The following AGAP1 variants were observed in gnomAD, a reference collection of about 807,000 sequenced individuals.
The protein encoded by AGAP1 is arf-GAP with GTPase, ANK repeat and PH domain-containing protein 1.
In AGAP1, 29 loss-of-function variants were observed where a neutral mutation model predicts 105.3. The observed-to-expected ratio is 0.28, with a 90% CI of 0.21 to 0.38. AGAP1 has a LOEUF of 0.38. Ranked by LOEUF, AGAP1 falls within the 10% of genes least tolerant of loss-of-function variation. AGAP1 has a pLI of 1.00. For missense variants in AGAP1, 998 were observed against 1,165.1 expected, an observed-to-expected ratio of 0.86 and a Z score of 2.09; for synonymous variants, 509 against 485.9, an observed-to-expected ratio of 1.05 and a Z score of -0.63.
intron 16 of AGAP1, among the ~76,000 whole-genome samples, chr2:236,070,657 C>T (rs981797294): frequency 5.9e-5 from 9 of 152,190 alleles, no homozygotes; most frequent in Admixed American, 5.2e-4. Flanking sequence ...CGTAAATGCA[C>T]CTTCAACATT....
rs1269820350 is a variant in AGAP1, at chr2:235,631,542, A to T, written c.164-77637A>T. Reference sequence around the variant, plus strand: ...TCTGCCAAGGCCCCTCCTTGTGAAGATGGACACTGAGGGCACCCTTCCTAG... The same window carrying T: ...TCTGCCAAGGCCCCTCCTTGTGAAGTTGGACACTGAGGGCACCCTTCCTAG... On this transcript the variant is annotated intron_variant, in intron 1 of 17. Transcript: ENST00000304032. This position sits in a 1 kb window ranked among gnomAD's most constrained non-coding sequence, Gnocchi z 5.4. Among the ~76,000 whole-genome samples, 2 of 152,148 alleles carry T rather than the reference A, an allele frequency of 1.3e-5. No individual in the cohort carries two copies. The highest frequency in any genetic ancestry group is 3.9e-4 in the East Asian group (2 of 5,180).
chr2:235,852,999 C>G (rs865991252), intron 9 of AGAP1: 7 of 1,248,240 alleles, frequency 5.6e-6, no homozygotes, highest in Non-Finnish European at 7.1e-6. Flanking sequence ...AGAAATGGAG[C>G]GCTCCTCCAG....
chr2:235,896,405 A>G (rs2050809287), intron 10 of AGAP1, among the ~76,000 whole-genome samples: 1 of 152,206 alleles, frequency 6.6e-6, no homozygotes, highest in South Asian at 2.1e-4. Context: ...ATGTGAGCAT[A>G]CAGATAACTC....
At position 235,935,042 on chromosome 2, in the gene AGAP1, A is replaced by G. The variant is rs185398040; in HGVS notation, c.1483+4119A>G. On this transcript the variant is annotated intron_variant, in intron 12 of 17. Transcript: ENST00000304032. Reference sequence around the variant, plus strand: ...GATTCCTTTGTAGGGGCAACCTACAAAACAGGAGGTGCTGCTTAAATTAAG... The same window carrying G: ...GATTCCTTTGTAGGGGCAACCTACAGAACAGGAGGTGCTGCTTAAATTAAG... Among the ~76,000 whole-genome samples the G allele has an allele frequency of 8.5e-5, 13 of 152,344 alleles. No homozygotes were observed. The East Asian group carries it at 2.5e-3, about 29-fold the overall frequency.
rs950025117 is a variant in AGAP1, at chr2:235,777,767, G to A, written c.674-19992G>A. 1.1e-4 allele frequency among the ~76,000 whole-genome samples: 17 copies of A among 152,210 alleles called. No individual in the cohort carries two copies. Among genetic ancestry groups the A allele is most frequent in the Non-Finnish European group, 5.9e-5 (4 of 68,038 alleles). ...AGGTGCACGCTCAAGTGTTTGAGAC[G>A]TTAACGAATGATGGCTGTGATGTAA... is the stretch of plus-strand genomic sequence containing the variant. On this transcript the variant is annotated intron_variant, in intron 6 of 17. Coordinates refer to ENST00000304032, the MANE Select transcript of AGAP1 (RefSeq NM_001037131.3). The surrounding 1 kb of genome is among the most constrained non-coding windows in gnomAD (Gnocchi z 5.1).
chr2:235,539,928 C>T (rs1345612159), intron 1 of AGAP1, among the ~76,000 whole-genome samples: 1 of 152,112 alleles, frequency 6.6e-6, no homozygotes, highest in Non-Finnish European at 1.5e-5. Flanking sequence ...TGTCTAGTGC[C>T]TCCACCTGGT....
chr2:235,750,945 CA>C lies in AGAP1; in HGVS notation c.673+464del, dbSNP rs1255152408. On this transcript the variant is annotated intron_variant, in intron 6 of 17. Transcript: ENST00000304032. The surrounding 1 kb of genome is among the most constrained non-coding windows in gnomAD (Gnocchi z 5.3). Reference sequence around the variant, plus strand: ...GAGTCAAGTTTGGACCTCCCCCCACCAAAAAAATAATAAAATGACACGATAC... The same window carrying C: ...GAGTCAAGTTTGGACCTCCCCCCACCAAAAAATAATAAAATGACACGATAC... 6.6e-6 allele frequency among the ~76,000 whole-genome samples: 1 copy of C among 152,020 alleles called. No individual in the cohort carries two copies. The highest frequency in any genetic ancestry group is 6.5e-5 in the Admixed American group (1 of 15,268).
rs546036495 is a variant in AGAP1 at position 236,107,757 on chromosome 2, G to A, written c.2115-12435G>A. ...AAACCTGGCTGGGGCCAGAGTACCCGGGCACATCCTCGCTCTCCTGGGCCG... is the reference window on the plus strand; with the variant it reads ...AAACCTGGCTGGGGCCAGAGTACCCAGGCACATCCTCGCTCTCCTGGGCCG... On this transcript the variant is annotated intron_variant, in intron 16 of 17. Transcript: ENST00000304032. Among the ~76,000 whole-genome samples, 4 of 152,336 alleles carry A rather than the reference G, an allele frequency of 2.6e-5. No homozygotes were observed. The East Asian group carries it at 5.8e-4, about 22-fold the overall frequency.
intron 6 of AGAP1, among the ~76,000 whole-genome samples, chr2:235,773,025 T>C (rs1955579682): frequency 6.6e-6 from 1 of 152,180 alleles, no homozygotes; most frequent in Non-Finnish European, 1.5e-5. Context: ...GGGGTCCAGG[T>C]TTTTGGCCTT....
At chr2:235,814,107 G>C (rs188834930) in intron 9 of AGAP1, among the ~76,000 whole-genome samples, 1 of 152,176 alleles carries the variant, frequency 6.6e-6, no homozygotes, top group Non-Finnish European at 1.5e-5. Flanking sequence ...GGCACAGGAT[G>C]GGGGGAGTGG....
rs1014121705 is a variant in AGAP1, at chr2:236,009,858, G to C, written c.1646-26703G>C. ...TCGGCGCTGCATCATTTTTTAATCA[G>C]CTATCTGAGGAATATTTATCTGATC... is the stretch of plus-strand genomic sequence containing the variant. On this transcript the variant is annotated intron_variant, in intron 13 of 17. Transcript: ENST00000304032. This position sits in a 1 kb window ranked among gnomAD's most constrained non-coding sequence, Gnocchi z 4.2. 3.9e-5 allele frequency among the ~76,000 whole-genome samples: 6 copies of C among 152,170 alleles called. No homozygotes were observed. The highest frequency in any genetic ancestry group is 1.4e-4 in the African/African-American group (6 of 41,428).
intron 1 of AGAP1, among the ~76,000 whole-genome samples, chr2:235,649,333 G>A (rs1037702635): frequency 6.6e-6 from 1 of 152,180 alleles, no homozygotes; most frequent in African/African-American, 2.4e-5. Flanking sequence ...TTTCAATTCC[G>A]TGGGGCCAAG....
At chr2:236,071,227 A>G (rs2058487143) in intron 16 of AGAP1, among the ~76,000 whole-genome samples, 1 of 152,236 alleles carries the variant, frequency 6.6e-6, no homozygotes. Flanking sequence ...CAGGCTAAAT[A>G]TGCAGGATTT....
intron 5 of AGAP1, among the ~76,000 whole-genome samples, chr2:235,749,207 C>T (rs553262306): frequency 1.5e-5 from 2 of 137,074 alleles, no homozygotes; most frequent in East Asian, 5.7e-4. Flanking sequence ...GACTCCATCT[C>T]ATTAAAAAAA....
chr2:235,764,024 G>A (rs974473834), intron 6 of AGAP1, among the ~76,000 whole-genome samples: 6 of 151,754 alleles, frequency 4.0e-5, no homozygotes, highest in Non-Finnish European at 5.9e-5. Context: ...TGACCCGTGC[G>A]TGGCTTTGGC....
At chr2:235,730,496 A>AAC (rs999893341) in intron 3 of AGAP1, among the ~76,000 whole-genome samples, 2 of 151,100 alleles carry the variant, frequency 1.3e-5, no homozygotes, top group African/African-American at 4.9e-5. Context: ...AAAAAAAAAA[A>AAC]AACGAGACAA....
Position 235,555,098 on chromosome 2 carries a change from G to T in AGAP1, c.163+60249G>T, listed in dbSNP as rs12623764. On this transcript the variant is annotated intron_variant, in intron 1 of 17. Transcript: ENST00000304032. The surrounding 1 kb of genome is among the most constrained non-coding windows in gnomAD (Gnocchi z 5.1). ...GGTGGGGCTGGGATGAGGAGAGCGC[G>T]GCCGCCAGGGTCAGCCTGGATGCTC... is the stretch of plus-strand genomic sequence containing the variant. Among the ~76,000 whole-genome samples, 8,542 of 152,216 alleles carry T rather than the reference G, an allele frequency of 0.056. 761 individuals are homozygous for T. Among genetic ancestry groups the T allele is most frequent in the African/African-American group, 0.19 (7,846 of 41,520 alleles).
chr2:235,648,648 C>T (rs1227265122), intron 1 of AGAP1, among the ~76,000 whole-genome samples: 1 of 146,982 alleles, frequency 6.8e-6, no homozygotes, highest in Non-Finnish European at 1.5e-5. Context: ...CCGAGGCAGG[C>T]AGATCACTAG....
intron 1 of AGAP1, chr2:235,670,464 G>A: frequency 5.7e-6 from 3 of 527,158 alleles, no homozygotes; most frequent in South Asian, 4.5e-5. Flanking sequence ...GACCTGGCCG[G>A]CAGCGCCCCG....
Sources: gnomAD v4.1 joint callset for allele counts (sites outside exome capture counted in the v4.1 genomes callset) on GRCh38, gnomAD v4.1.1 for gene constraint, Gnocchi (gnomAD v3.1) non-coding constraint, MANE v1.5 for transcripts, NCBI Gene and HGNC (gene_info 2026-07-23, HGNC 2026-07-21) for gene names.